TP63: variants seen among roughly 807,000 people sequenced by gnomAD.
TP63 encodes tumor protein p63, also known as tumor protein 63.
TP63 carries 17 observed loss-of-function variants against 82.8 expected under a neutral mutation model. The ratio of observed to expected loss-of-function variants is 0.21; its 90% CI spans 0.14 to 0.31. The LOEUF is 0.31. TP63 is among the 10% of genes least tolerant of loss of function. TP63 has a pLI of 1.00. For missense variants in TP63, 648 were observed against 895.3 expected (o/e 0.72, Z 3.52); for synonymous variants, 330 against 321.7 (o/e 1.03, Z -0.28).
chr3:189,723,668 G>A (rs1043204230), intron 1 of TP63, among the ~76,000 whole-genome samples: 1 of 152,260 alleles, frequency 6.6e-6, no homozygotes, highest in South Asian at 2.1e-4. Flanking sequence ...ATAAAGATCT[G>A]TACCATAGAC....
In TP63 at chr3:189,889,360, A is replaced by G. The variant is rs769778189; in HGVS notation, c.1528A>G (p.Met510Val). The change falls in exon 12 of 14, where the codon ATG (methionine) becomes GTG (valine). Residue 510 changes from methionine (M) to valine (V), a missense_variant. By Grantham distance (21) the Met-to-Val change is conservative. Transcript: ENST00000264731. ...GANIPMMGTHMPMAGDMNGLS... is the reference protein window; with the variant it reads ...GANIPMMGTHVPMAGDMNGLS... ...TTCAGTTCCCATGATGGGCACCCAC[A>G]TGCCAATGGCTGGAGACATGAATGG... 1.9e-6 allele frequency: 3 copies of G among 1,614,134 alleles called. No individual in the cohort carries two copies. The highest frequency in any genetic ancestry group is 2.5e-6 in the Non-Finnish European group (3 of 1,180,012).
At chr3:189,782,568 A>C (rs558717221) in intron 3 of TP63, among the ~76,000 whole-genome samples, 7 of 152,356 alleles carry the variant, frequency 4.6e-5, no homozygotes, top group African/African-American at 1.7e-4. Flanking sequence ...AAATACAACA[A>C]TAAAAGATAC....
intron 1 of TP63, among the ~76,000 whole-genome samples, chr3:189,715,193 G>T (rs4561809): frequency 6.6e-6 from 1 of 151,830 alleles, no homozygotes; most frequent in African/African-American, 2.4e-5. Flanking sequence ...TGAGGCCCTA[G>T]AGGACTGCTA....
At chr3:189,874,607 G>A (rs1718820676) in intron 10 of TP63, among the ~76,000 whole-genome samples, 1 of 152,176 alleles carries the variant, frequency 6.6e-6, no homozygotes, top group Admixed American at 6.5e-5. Flanking sequence ...TTGTAAGCCT[G>A]AGCAGAAAGT....
At chr3:189,872,687 C>T (rs981527689) in intron 9 of TP63, among the ~76,000 whole-genome samples, 172 bp from the exon 10 acceptor site, 2 of 152,086 alleles carry the variant, frequency 1.3e-5, no homozygotes, top group Admixed American at 6.5e-5. Flanking sequence ...TCACTCTGCC[C>T]GGGTCTGAAA....
chr3:189,809,904 AC>A (rs1727344131), intron 4 of TP63, among the ~76,000 whole-genome samples: 1 of 152,242 alleles, frequency 6.6e-6, no homozygotes. Context: ...GCCTAAACTT[AC>A]AGAAACTTGT....
intron 9 of TP63, among the ~76,000 whole-genome samples, chr3:189,872,155 A>T: frequency 6.6e-6 from 1 of 152,316 alleles, no homozygotes; most frequent in South Asian, 2.1e-4. Flanking sequence ...GTAGTAGTTT[A>T]GTTTTATGAA....
At chr3:189,659,833 G>A (rs1713714945) in intron 1 of TP63, among the ~76,000 whole-genome samples, 2 of 151,970 alleles carry the variant, frequency 1.3e-5, no homozygotes, top group South Asian at 2.1e-4. Context: ...TCATGTGTTT[G>A]TTGGCCACTT....
chr3:189,619,106 T>A, the TP63 span, among the ~76,000 whole-genome samples: 2 of 152,196 alleles, frequency 1.3e-5, no homozygotes, highest in South Asian at 4.1e-4. Context: ...TGCTGATACA[T>A]GCTAGCTAAT....
rs1172845743 is a variant in TP63, at chr3:189,890,857, A to G, written c.1721A>G (p.Tyr574Cys). Residue 574 changes from tyrosine (Y) to cysteine (C), a missense_variant, in exon 13 of 14, where the codon TAT becomes TGT. Physicochemically the swap from Tyr to Cys is radical, Grantham distance 194. This residue lies in a region of TP63 where 342 missense variants were observed against 425.7 expected (regional missense o/e 0.80). Transcript: ENST00000264731. ...YFTTQGLTTI[Y>C]QIEHYSMDDL... ...ACGACCCAGGGGCTGACCACCATCT[A>G]TCAGATTGAGCATTACTCCATGGAT... 5.0e-6 allele frequency: 8 copies of G among 1,614,030 alleles called. No homozygotes were observed. Among genetic ancestry groups the G allele is most frequent in the Non-Finnish European group, 5.1e-6 (6 of 1,179,990 alleles).
intron 3 of TP63, among the ~76,000 whole-genome samples, chr3:189,754,481 G>A (rs765176684): frequency 3.9e-5 from 6 of 152,000 alleles, no homozygotes; most frequent in Non-Finnish European, 8.8e-5. Context: ...CATATCAGTG[G>A]CCTACTGAAA....
intron 3 of TP63, among the ~76,000 whole-genome samples, chr3:189,766,989 A>G (rs1723003173): frequency 2.0e-5 from 3 of 152,196 alleles, no homozygotes; most frequent in Admixed American, 1.3e-4. Flanking sequence ...TATTAAGTAT[A>G]TATTTTCTTG....
intron 1 of TP63, among the ~76,000 whole-genome samples, chr3:189,736,264 A>G (rs765189843): frequency 2.0e-5 from 3 of 151,752 alleles, no homozygotes; most frequent in Non-Finnish European, 2.9e-5. Context: ...AACATAGCAT[A>G]TAAGTTTCTT....
At chr3:189,711,893 G>A (rs1019948366) in intron 1 of TP63, among the ~76,000 whole-genome samples, 7 of 152,154 alleles carry the variant, frequency 4.6e-5, no homozygotes, top group Admixed American at 1.3e-4. Flanking sequence ...TGGAACTTCC[G>A]TGATAGGAAG....
intron 4 of TP63, among the ~76,000 whole-genome samples, chr3:189,845,461 TA>T (rs1490741196): frequency 2.0e-5 from 3 of 152,174 alleles, no homozygotes; most frequent in Non-Finnish European, 4.4e-5. Context: ...GTGTTTTGCT[TA>T]AAGTTACAGT....
intron 1 of TP63, among the ~76,000 whole-genome samples, chr3:189,636,516 T>A (rs1047642541): frequency 1.5e-4 from 23 of 152,140 alleles, no homozygotes; most frequent in African/African-American, 5.1e-4. Flanking sequence ...TTGGAGATTG[T>A]GATTTTAAGC....
In TP63 at chr3:189,895,479, A is replaced by T. The variant is rs192558999; in HGVS notation, c.*977A>T. On this transcript the variant is annotated 3_prime_UTR_variant, in exon 14 of 14. Coordinates refer to ENST00000264731, the MANE Select transcript of TP63 (RefSeq NM_003722.5). ...ACTAGATTGACTAACTCAAATACAC[A>T]TTTGCTACTGTTGTAAGAATTCTGA... is the stretch of plus-strand genomic sequence containing the variant. 1 of 219,576 alleles carries T rather than the reference A, an allele frequency of 4.6e-6. No individual in the cohort carries two copies. Among genetic ancestry groups the T allele is most frequent in the Non-Finnish European group, 9.1e-6 (1 of 109,526 alleles). The allele number at this position is 219,576 out of a possible 1,614,324, so 13.6% of individuals were successfully genotyped here. A position where few individuals can be genotyped will look rare whatever the true frequency, so the allele number is the denominator to read the frequency against.
chr3:189,651,413 G>T (rs1217471922), intron 1 of TP63, among the ~76,000 whole-genome samples: 1 of 146,044 alleles, frequency 6.8e-6, no homozygotes, highest in Non-Finnish European at 1.5e-5. Context: ...GGGCATGGTG[G>T]CAGAAGCTTG....
At position 189,880,156 on chromosome 3, in the gene TP63, C is replaced by G. The variant is rs560247437; in HGVS notation, c.1350-6238C>G. On this transcript the variant is annotated intron_variant, in intron 10 of 13. Transcript: ENST00000264731. ...GTCTTCTTTAGACATTCCAAGCCCC[C>G]AAACCGATCAGTGTACCCATAGAGC... The G allele has an allele frequency of 2.4e-5, 38 of 1,613,772 alleles. No homozygotes were observed. In the East Asian group the frequency reaches 7.4e-4, roughly 31 times the overall value.
Sources: gnomAD v4.1 joint callset for allele counts (sites outside exome capture counted in the v4.1 genomes callset) on GRCh38, gnomAD v4.1.1 for gene constraint, gnomAD v4.1.1 regional missense constraint, MANE v1.5 for transcripts, NCBI Gene and HGNC (gene_info 2026-07-23, HGNC 2026-07-21) for gene names.